NCOA2: variants seen among roughly 807,000 people sequenced by gnomAD.
NCOA2 encodes nuclear receptor coactivator 2.
Under a neutral mutation model 145.1 loss-of-function variants are expected in NCOA2, and 21 were observed. The observed-to-expected ratio is 0.14, with a 90% CI of 0.10 to 0.21. The LOEUF is 0.21. NCOA2 is among the 10% of genes least tolerant of loss of function. The pLI is 1.00. For synonymous variants in NCOA2, 619 were observed against 637.5 expected, an observed-to-expected ratio of 0.97 and a Z score of 0.44; for missense variants, 1,472 against 1,837.6, an observed-to-expected ratio of 0.80 and a Z score of 3.64.
intron 1 of NCOA2, 117 bp downstream of exon 1, chr8:70,403,583 G>C (rs1814592021): frequency 3.2e-6 from 1 of 311,620 alleles, no homozygotes. Flanking sequence ...GAGGCGCACG[G>C]CTCTGTCGGA....
rs1363479961 is a variant in NCOA2 at position 70,127,055 on chromosome 8, C to G, written c.3682-8G>C. The G allele has an allele frequency of 6.3e-7, 1 of 1,589,430 alleles. No homozygotes were observed. The highest frequency in any genetic ancestry group is 2.2e-5 in the East Asian group (1 of 44,530). ...CTGTGCATTAATAGGTGCCTGAAAT[C>G]CGGGGCAACACATGGAGGAAAATGT... is the stretch of plus-strand genomic sequence containing the variant. On this transcript the variant is annotated splice_polypyrimidine_tract_variant and splice_region_variant and intron_variant, in intron 18 of 22. Transcript: ENST00000452400.
chr8:70,348,280 G>A (rs1808860518), intron 1 of NCOA2, among the ~76,000 whole-genome samples: 1 of 152,172 alleles, frequency 6.6e-6, no homozygotes, highest in African/African-American at 2.4e-5. Flanking sequence ...ACTTTAAAAA[G>A]TACAATAGAG....
the NCOA2 span, among the ~76,000 whole-genome samples, chr8:70,427,433 C>T: frequency 1.3e-5 from 2 of 152,106 alleles, no homozygotes; most frequent in Non-Finnish European, 2.9e-5. Flanking sequence ...TAAAGTGTAA[C>T]ACCTTTTCAT....
In NCOA2 at chr8:70,122,121, C is replaced by G. The variant is rs1307476228; in HGVS notation, c.4294-730G>C. ...GTATTACACTAGACTATCTCAGTAG[C>G]CCTTACTTTGTACGCTTTTCCTCAG... is the stretch of plus-strand genomic sequence containing the variant. On this transcript the variant is annotated intron_variant, in intron 21 of 22. Coordinates refer to ENST00000452400, the MANE Select transcript of NCOA2 (RefSeq NM_006540.4). Among the ~76,000 whole-genome samples the G allele has an allele frequency of 2.0e-5, 3 of 152,266 alleles. No individual in the cohort carries two copies. In the East Asian group the frequency reaches 5.8e-4, roughly 29 times the overall value.
At chr8:70,392,796 G>A (rs1230640574) in intron 1 of NCOA2, among the ~76,000 whole-genome samples, 1 of 152,080 alleles carries the variant, frequency 6.6e-6, no homozygotes, top group Non-Finnish European at 1.5e-5. Flanking sequence ...TATTCTGCAG[G>A]GGAAAATTTA....
At chr8:70,149,239 G>GTT (rs890653885) in intron 11 of NCOA2, among the ~76,000 whole-genome samples, 16 of 144,902 alleles carry the variant, frequency 1.1e-4, no homozygotes, top group African/African-American at 4.0e-4. Context: ...TGTTTTTTTT[G>GTT]TTTTTTTTTT....
At chr8:70,416,399 G>A in the NCOA2 span, among the ~76,000 whole-genome samples, 1 of 152,108 alleles carries the variant, frequency 6.6e-6, no homozygotes, top group Admixed American at 6.5e-5. Flanking sequence ...GATCCATGCA[G>A]TCTTCTTAAG....
intron 22 of NCOA2, among the ~76,000 whole-genome samples, chr8:70,120,914 T>G (rs1432014970): frequency 6.6e-6 from 1 of 152,180 alleles, no homozygotes; most frequent in Non-Finnish European, 1.5e-5. Context: ...CTCCTAAAAA[T>G]CTAGCCTTAT....
chr8:70,162,369 C>T (rs147048710), intron 9 of NCOA2, among the ~76,000 whole-genome samples: 1 of 152,336 alleles, frequency 6.6e-6, no homozygotes, highest in East Asian at 1.9e-4. Context: ...CAAAATTCCA[C>T]TTACTCTTAT....
intron 2 of NCOA2, chr8:70,273,884 TGAA>T (rs1825260061): frequency 3.8e-6 from 2 of 524,328 alleles, no homozygotes; most frequent in East Asian, 9.7e-5. Context: ...AGACAAAACT[TGAA>T]GAAGTTACTG....
At chr8:70,270,076 G>A (rs1178791976) in intron 2 of NCOA2, among the ~76,000 whole-genome samples, 1 of 152,096 alleles carries the variant, frequency 6.6e-6, no homozygotes, top group African/African-American at 2.4e-5. Context: ...CAGCTACTGG[G>A]GAGGCTGCGG....
the NCOA2 span, chr8:70,424,305 T>C: frequency 2.7e-6 from 1 of 371,628 alleles, no homozygotes; most frequent in South Asian, 2.2e-5. Context: ...GGCTATAGTT[T>C]CCAGCCTTTC....
At chr8:70,347,237 C>A (rs1201776046) in intron 1 of NCOA2, among the ~76,000 whole-genome samples, 1 of 152,030 alleles carries the variant, frequency 6.6e-6, no homozygotes, top group Non-Finnish European at 1.5e-5. Context: ...GTAATACTAG[C>A]ACTTTGGGAG....
chr8:70,224,619 G>A (rs1820449869), intron 2 of NCOA2, among the ~76,000 whole-genome samples: 1 of 152,026 alleles, frequency 6.6e-6, no homozygotes, highest in East Asian at 1.9e-4. Flanking sequence ...GTGCAGATTT[G>A]TATGATTTTT....
intron 15 of NCOA2, among the ~76,000 whole-genome samples, chr8:70,135,718 A>G (rs1385113220): frequency 6.6e-6 from 1 of 152,206 alleles, no homozygotes. Flanking sequence ...ACAGATAAAT[A>G]TAATATTAAG....
At chr8:70,237,510 C>T (rs565022688) in intron 2 of NCOA2, among the ~76,000 whole-genome samples, 14 of 151,910 alleles carry the variant, frequency 9.2e-5, no homozygotes, top group African/African-American at 3.4e-4. Context: ...TGCCTGTAAT[C>T]CCAACACTTC....
chr8:70,266,437 C>G (rs1278278991), intron 2 of NCOA2, among the ~76,000 whole-genome samples: 1 of 152,206 alleles, frequency 6.6e-6, no homozygotes, highest in African/African-American at 2.4e-5. Flanking sequence ...ATGAAAACTC[C>G]TTAATCTAGC....
intron 2 of NCOA2, chr8:70,273,267 G>A: frequency 4.9e-6 from 1 of 202,654 alleles, no homozygotes; most frequent in Middle Eastern, 1.8e-3. Context: ...ACAGGGAGCT[G>A]CCATCTTGCA....
the NCOA2 span, among the ~76,000 whole-genome samples, chr8:70,413,522 TA>T: frequency 6.6e-6 from 1 of 152,204 alleles, no homozygotes; most frequent in South Asian, 2.1e-4. Flanking sequence ...ACAGTTGGGA[TA>T]GAATAATGCC....
Sources: gnomAD v4.1 joint callset for allele counts (sites outside exome capture counted in the v4.1 genomes callset) on GRCh38, gnomAD v4.1.1 for gene constraint, MANE v1.5 for transcripts, NCBI Gene and HGNC (gene_info 2026-07-23, HGNC 2026-07-21) for gene names.